The following FAM135A variants were observed in gnomAD, a reference collection of about 807,000 sequenced individuals.
FAM135A encodes protein FAM135A.
In FAM135A, 79 loss-of-function variants were observed where a neutral mutation model predicts 146.8. That is an observed-to-expected ratio of 0.54 (90% CI 0.45 to 0.65). The LOEUF is 0.65. Among genes scored for constraint, FAM135A ranks in the 30% least tolerant of loss-of-function variants. FAM135A has a pLI of 0.00. For missense variants in FAM135A, 1,623 were observed against 1,758.2 expected (o/e 0.92, Z 1.38); for synonymous variants, 562 against 603.6 (o/e 0.93, Z 1.01).
intron 11 of FAM135A, among the ~76,000 whole-genome samples, chr6:70,492,635 A>G (rs1180555619): frequency 6.7e-6 from 1 of 149,612 alleles, no homozygotes; most frequent in Non-Finnish European, 1.5e-5. Context: ...CTCATGTATC[A>G]ATTTTAAAAC....
intron 4 of FAM135A, among the ~76,000 whole-genome samples, chr6:70,439,659 C>T (rs541235809): frequency 5.9e-5 from 9 of 151,924 alleles, no homozygotes; most frequent in East Asian, 1.9e-4. Context: ...TTTCTATGTC[C>T]GCTCTTCATT....
intron 18 of FAM135A, chr6:70,535,954 C>T: frequency 5.4e-6 from 1 of 185,582 alleles, no homozygotes; most frequent in East Asian, 1.4e-4. Flanking sequence ...AATATGTAAT[C>T]TAGTCATTAT....
At chr6:70,480,585 C>T (rs1052055624) in intron 8 of FAM135A, among the ~76,000 whole-genome samples, 19 of 152,020 alleles carry the variant, frequency 1.2e-4, no homozygotes, top group Admixed American at 1.2e-3. Flanking sequence ...TCAGGATTTC[C>T]AAATTCAAGC....
chr6:70,544,480 A>G (rs2128460339), intron 20 of FAM135A, among the ~76,000 whole-genome samples: 1 of 152,092 alleles, frequency 6.6e-6, no homozygotes, highest in East Asian at 1.9e-4. Flanking sequence ...GTGAACCGAG[A>G]TCTCGCCATT....
intron 20 of FAM135A, among the ~76,000 whole-genome samples, chr6:70,551,588 G>C (rs1273092385): frequency 1.3e-5 from 2 of 152,188 alleles, no homozygotes; most frequent in African/African-American, 2.4e-5. Context: ...TGTAGCCTGG[G>C]TCAGAGTGAG....
intron 20 of FAM135A, among the ~76,000 whole-genome samples, chr6:70,556,275 A>C (rs1455258825): frequency 6.6e-6 from 1 of 152,150 alleles, no homozygotes; most frequent in African/African-American, 2.4e-5. Context: ...AATTTAAAAA[A>C]AGAAAATATA....
intron 12 of FAM135A, among the ~76,000 whole-genome samples, chr6:70,505,942 A>T (rs1318222772): frequency 6.6e-6 from 1 of 152,206 alleles, no homozygotes; most frequent in Admixed American, 6.5e-5. Flanking sequence ...AGGGCTAAAT[A>T]AAAAGGATTC....
intron 12 of FAM135A, among the ~76,000 whole-genome samples, chr6:70,517,973 G>T (rs536653079): frequency 6.6e-6 from 1 of 152,228 alleles, no homozygotes; most frequent in African/African-American, 2.4e-5. Flanking sequence ...ATCTCTAAGT[G>T]TTCAAGTGAG....
At chr6:70,488,510 T>C (rs1303223678) in intron 10 of FAM135A, among the ~76,000 whole-genome samples, 1 of 145,732 alleles carries the variant, frequency 6.9e-6, no homozygotes, top group Non-Finnish European at 1.5e-5. Flanking sequence ...TTTATACATT[T>C]CTATAAAACT....
intron 21 of FAM135A, 81 bp downstream of exon 21, chr6:70,556,944 G>C (rs528647956): frequency 1.7e-5 from 16 of 948,898 alleles, no homozygotes; most frequent in Admixed American, 1.5e-4. Flanking sequence ...ACTTTCTCTC[G>C]TATCTGTCAC....
intron 4 of FAM135A, among the ~76,000 whole-genome samples, chr6:70,430,417 T>C (rs192881924): frequency 2.6e-5 from 4 of 152,298 alleles, no homozygotes; most frequent in Admixed American, 2.0e-4. Flanking sequence ...CTGCATTCCA[T>C]TGGCCAAGCA....
chr6:70,474,613 A>G (rs75549199), intron 5 of FAM135A, among the ~76,000 whole-genome samples: 1,707 of 152,300 alleles, frequency 0.011, 63 homozygotes, highest in East Asian at 0.079. Context: ...CAGAATCTGT[A>G]TAGGGATGAT....
intron 4 of FAM135A, among the ~76,000 whole-genome samples, chr6:70,431,409 G>T (rs543443044): frequency 6.6e-6 from 1 of 152,276 alleles, no homozygotes; most frequent in East Asian, 1.9e-4. Flanking sequence ...GGCAGTCTCA[G>T]TTCTGTTTCA....
intron 4 of FAM135A, among the ~76,000 whole-genome samples, chr6:70,436,544 A>G (rs1382104245): frequency 6.6e-6 from 1 of 152,180 alleles, no homozygotes; most frequent in Non-Finnish European, 1.5e-5. Context: ...GATGGAGTAC[A>G]AGGGTATTGG....
rs565035398 is a variant in FAM135A, at chr6:70,515,395, C to T, written c.1030-7118C>T. Reference sequence around the variant, plus strand: ...GTAACTGGATAAACAAACTGTTGTCCATTCATACAGTGGAATGTTATTTAG... The same window carrying T: ...GTAACTGGATAAACAAACTGTTGTCTATTCATACAGTGGAATGTTATTTAG... On this transcript the variant is annotated intron_variant, in intron 12 of 21. Transcript: ENST00000418814. Among the ~76,000 whole-genome samples, 17 of 152,232 alleles carry T rather than the reference C, an allele frequency of 1.1e-4. No homozygotes were observed. The South Asian group carries it at 3.5e-3, about 32-fold the overall frequency.
intron 4 of FAM135A, among the ~76,000 whole-genome samples, chr6:70,429,124 T>C (rs1770878497): frequency 6.6e-6 from 1 of 152,152 alleles, no homozygotes; most frequent in Admixed American, 6.5e-5. Context: ...AGGCAAAGTA[T>C]AAAGTGAAAG....
In FAM135A at chr6:70,559,933, T is replaced by C; in HGVS notation, c.*12T>C. ...AATATTTCCAATAGTATAAAAGCAT[T>C]GTTAGCGACTGGACAATTACCTCAT... On this transcript the variant is annotated 3_prime_UTR_variant, in exon 22 of 22. Coordinates refer to ENST00000418814, the MANE Select transcript of FAM135A (RefSeq NM_001162529.3). 4 of 1,587,096 alleles carry C rather than the reference T, an allele frequency of 2.5e-6. No homozygotes were observed. Among genetic ancestry groups the C allele is most frequent in the South Asian group, 1.1e-5 (1 of 89,756 alleles).
chr6:70,511,768 C>G (rs1364292336), intron 12 of FAM135A, among the ~76,000 whole-genome samples: 1 of 151,638 alleles, frequency 6.6e-6, no homozygotes, highest in Non-Finnish European at 1.5e-5. Context: ...AATATACTAC[C>G]CAAAGCTAGA....
chr6:70,417,708 C>G, intron 2 of FAM135A: 2 of 765,724 alleles, frequency 2.6e-6, no homozygotes, highest in Non-Finnish European at 3.2e-6. Context: ...AGATTGCCAG[C>G]AAGTCAAGGG....
Sources: allele counts gnomAD v4.1 joint callset (sites outside exome capture counted in the v4.1 genomes callset), GRCh38; gene constraint gnomAD v4.1.1; transcripts MANE v1.5; gene names NCBI Gene and HGNC (gene_info 2026-07-23, HGNC 2026-07-21).